AKAP6: variants seen among roughly 807,000 people sequenced by gnomAD.
The protein encoded by AKAP6 is A-kinase anchor protein 6.
AKAP6 carries 58 observed loss-of-function variants against 188.5 expected under a neutral mutation model. That is an observed-to-expected ratio of 0.31 (90% CI 0.25 to 0.38). The LOEUF is 0.38. Ranked by LOEUF, AKAP6 falls within the 10% of genes least tolerant of loss-of-function variation. The probability of loss-of-function intolerance (pLI) is 1.00; values close to 1 mark genes in which losing one functional copy is unlikely to be tolerated. For missense variants in AKAP6, 2,710 were observed against 2,740.0 expected (o/e 0.99, Z 0.24); for synonymous variants, 989 against 998.6 (o/e 0.99, Z 0.18).
chr14:32,677,989 C>T (rs904187688), intron 7 of AKAP6, among the ~76,000 whole-genome samples: 2 of 152,068 alleles, frequency 1.3e-5, no homozygotes, highest in Admixed American at 6.6e-5. Flanking sequence ...TATGTGACAA[C>T]ATAAGGAAGA....
At chr14:32,537,231 CTAACTT>C (rs573120427) in intron 3 of AKAP6, among the ~76,000 whole-genome samples, 22 of 152,332 alleles carry the variant, frequency 1.4e-4, no homozygotes, top group African/African-American at 5.1e-4. Flanking sequence ...AGGCTTACCT[CTAACTT>C]TAAGTCACAG....
intron 1 of AKAP6, among the ~76,000 whole-genome samples, chr14:32,416,234 A>G (rs189609685): frequency 6.8e-4 from 103 of 152,306 alleles, no homozygotes; most frequent in Non-Finnish European, 1.2e-3. Flanking sequence ...TGTTTTTGAT[A>G]GTACCCATAC....
chr14:32,337,306 A>C (rs1338121761), intron 1 of AKAP6, among the ~76,000 whole-genome samples: 1 of 152,214 alleles, frequency 6.6e-6, no homozygotes, highest in East Asian at 1.9e-4. Context: ...TGGGCAGCAC[A>C]AGAAGAAACT....
intron 11 of AKAP6, among the ~76,000 whole-genome samples, chr14:32,740,568 T>C (rs1365981878): frequency 6.6e-6 from 1 of 152,048 alleles, no homozygotes; most frequent in African/African-American, 2.4e-5. Flanking sequence ...GAGGTAGGGG[T>C]CTAGTTTCAT....
chr14:32,340,517 T>G (rs1331542124), intron 1 of AKAP6, among the ~76,000 whole-genome samples: 1 of 152,246 alleles, frequency 6.6e-6, no homozygotes, highest in Non-Finnish European at 1.5e-5. Context: ...ATAGCTCTAG[T>G]ATTTTATGCC....
intron 1 of AKAP6, among the ~76,000 whole-genome samples, chr14:32,353,645 T>G (rs1887370971): frequency 6.6e-6 from 1 of 150,908 alleles, no homozygotes; most frequent in Admixed American, 6.6e-5. Context: ...GGAGATTCAA[T>G]TAGGAAAAGA....
In AKAP6 at chr14:32,546,568, C is replaced by A. The variant is rs141126585; in HGVS notation, c.1915C>A (p.Gln639Lys). 3,822 of 1,614,190 alleles carry A rather than the reference C, an allele frequency of 2.4e-3. 11 individuals carry two copies. The highest frequency in any genetic ancestry group is 3.1e-3 in the Non-Finnish European group (3,631 of 1,180,026). Residue 639 changes from glutamine (Q) to lysine (K), a missense_variant, in exon 4 of 14, where the codon CAG becomes AAG. Gln to Lys is a moderately conservative substitution (Grantham distance 53). Around this residue, in one of 2 missense-constraint regions of AKAP6, gnomAD observed 2,473 missense variants for 2,426.1 expected, o/e 1.02. Transcript: ENST00000280979. The part of the protein sequence containing the change: ...EYLALPSHLK[Q>K]TEVLALKLEN... ...CCTAGCACTGCCCTCTCACCTTAAG[C>A]AGACAGAAGTATTGGCTTTGAAGTT...
intron 9 of AKAP6, among the ~76,000 whole-genome samples, chr14:32,730,307 G>A (rs899069507): frequency 3.3e-5 from 5 of 152,040 alleles, no homozygotes; most frequent in East Asian, 1.9e-4. Flanking sequence ...TTAGACAGTC[G>A]GCTATATGGT....
chr14:32,384,731 A>G (rs867225801), intron 1 of AKAP6, among the ~76,000 whole-genome samples: 1 of 152,184 alleles, frequency 6.6e-6, no homozygotes, highest in South Asian at 2.1e-4. Context: ...CCCTGAAAAG[A>G]ACAAAGTCCA....
chr14:32,540,241 C>T (rs1307486011), intron 3 of AKAP6, among the ~76,000 whole-genome samples: 1 of 147,376 alleles, frequency 6.8e-6, no homozygotes, highest in Non-Finnish European at 1.5e-5. Flanking sequence ...CTCTGTTTCC[C>T]AGGCTGGAGT....
intron 11 of AKAP6, among the ~76,000 whole-genome samples, chr14:32,761,939 T>G (rs889240382): frequency 2.0e-5 from 3 of 152,108 alleles, no homozygotes; most frequent in African/African-American, 7.2e-5. Context: ...AGAATTACTT[T>G]GAACTAATTC....
intron 8 of AKAP6, among the ~76,000 whole-genome samples, chr14:32,691,637 C>A (rs1188722815): frequency 6.6e-6 from 1 of 152,090 alleles, no homozygotes; most frequent in Non-Finnish European, 1.5e-5. Flanking sequence ...CAGCTCACTG[C>A]AACCTTTGCC....
chr14:32,398,823 T>TCTCTCG (rs1888971502), intron 1 of AKAP6, among the ~76,000 whole-genome samples: 1 of 142,932 alleles, frequency 7.0e-6, no homozygotes, highest in African/African-American at 2.6e-5. Flanking sequence ...CCTCTCTCCC[T>TCTCTCG]CTCTCTCTCT....
chr14:32,470,628 A>G (rs1327040350), intron 2 of AKAP6, among the ~76,000 whole-genome samples: 1 of 152,256 alleles, frequency 6.6e-6, no homozygotes, highest in African/African-American at 2.4e-5. Flanking sequence ...ATTTTAGGGC[A>G]TGCAAATGCC....
intron 2 of AKAP6, among the ~76,000 whole-genome samples, chr14:32,467,630 C>T (rs1210774034): frequency 6.6e-6 from 1 of 151,900 alleles, no homozygotes; most frequent in East Asian, 1.9e-4. Flanking sequence ...ACTATCTTGT[C>T]TCTGCTTGTC....
At chr14:32,426,163 TTA>T (rs1890025586) in intron 1 of AKAP6, among the ~76,000 whole-genome samples, 1 of 152,190 alleles carries the variant, frequency 6.6e-6, no homozygotes, top group African/African-American at 2.4e-5. Flanking sequence ...AGGTTCGCAC[TTA>T]TCTTTCCTTT....
chr14:32,388,236 T>C (rs936475422), intron 1 of AKAP6, among the ~76,000 whole-genome samples: 15 of 152,152 alleles, frequency 9.9e-5, no homozygotes, highest in Middle Eastern at 3.2e-3. Flanking sequence ...TTTTCTCTCT[T>C]CTTTTCTTGG....
intron 1 of AKAP6, among the ~76,000 whole-genome samples, chr14:32,423,811 GA>G (rs1286326503): frequency 2.0e-5 from 3 of 151,936 alleles, no homozygotes; most frequent in African/African-American, 7.2e-5. Flanking sequence ...TTTAGAACAA[GA>G]AAAAAAGTAG....
At chr14:32,410,900 C>T (rs1319921653) in intron 1 of AKAP6, among the ~76,000 whole-genome samples, 4 of 152,044 alleles carry the variant, frequency 2.6e-5, no homozygotes, top group Admixed American at 2.6e-4. Flanking sequence ...TCACACTATG[C>T]TTTTTAAATT....
Sources: allele counts gnomAD v4.1 joint callset (sites outside exome capture counted in the v4.1 genomes callset), GRCh38; gene constraint gnomAD v4.1.1; regional missense constraint gnomAD v4.1.1; transcripts MANE v1.5; gene names NCBI Gene and HGNC (gene_info 2026-07-23, HGNC 2026-07-21).